ZBTB20: variants seen among roughly 807,000 people sequenced by gnomAD.
ZBTB20 encodes zinc finger and BTB domain containing 20, also known as zinc finger and BTB domain-containing protein 20.
ZBTB20 carries 9 observed loss-of-function variants against 56.9 expected under a neutral mutation model. The ratio of observed to expected loss-of-function variants is 0.16; its 90% CI spans 0.10 to 0.28. The LOEUF is 0.28. Among genes scored for constraint, ZBTB20 ranks in the 10% least tolerant of loss-of-function variants. The pLI is 1.00. For synonymous variants in ZBTB20, 417 were observed against 420.7 expected, an observed-to-expected ratio of 0.99 and a Z score of 0.11; for missense variants, 655 against 1,003.0, an observed-to-expected ratio of 0.65 and a Z score of 4.69.
At chr3:114,519,889 T>G (rs891754935) in intron 6 of ZBTB20, 10 of 152,058 alleles carry the variant, frequency 6.6e-5, no homozygotes, top group Non-Finnish European at 1.3e-4. Context: ...TCAGGAAAAT[T>G]TCAAGTATTG....
chr3:114,863,606 C>T (rs576837426), intron 4 of ZBTB20, among the ~76,000 whole-genome samples: 4 of 152,218 alleles, frequency 2.6e-5, no homozygotes, highest in South Asian at 2.1e-4. Context: ...ATAACATGGC[C>T]TACCTCTGTC....
At chr3:114,794,670 TTTC>T (rs2071215277) in intron 5 of ZBTB20, among the ~76,000 whole-genome samples, 1 of 152,116 alleles carries the variant, frequency 6.6e-6, no homozygotes, top group Non-Finnish European at 1.5e-5. Flanking sequence ...CTCTACTCTA[TTTC>T]TTCTTTAATT....
intron 11 of ZBTB20, among the ~76,000 whole-genome samples, chr3:114,349,237 A>C (rs988462169): frequency 6.6e-6 from 1 of 151,828 alleles, no homozygotes; most frequent in African/African-American, 2.4e-5. Flanking sequence ...AAATATAATG[A>C]TCATCACTGT....
At chr3:114,806,494 A>C (rs1180863720) in intron 4 of ZBTB20, among the ~76,000 whole-genome samples, 1 of 151,962 alleles carries the variant, frequency 6.6e-6, no homozygotes, top group Non-Finnish European at 1.5e-5. Context: ...AAAAATTCTT[A>C]TCAGATTATG....
Position 114,938,837 on chromosome 3 carries a change from A to G in ZBTB20, c.-456+35529T>C, listed in dbSNP as rs1199011968. On this transcript the variant is annotated intron_variant, in intron 3 of 11. Coordinates refer to ENST00000675478, the MANE Select transcript of ZBTB20 (RefSeq NM_001348800.3). ...AAAAGTATAATAAAAAAAAAATTCTAGAAAAAGAAGTTGCATCTGTACTGA... is the reference window on the plus strand; with the variant it reads ...AAAAGTATAATAAAAAAAAAATTCTGGAAAAAGAAGTTGCATCTGTACTGA... 4.1e-5 allele frequency among the ~76,000 whole-genome samples: 6 copies of G among 146,140 alleles called. 1 individual carries two copies. The highest frequency in any genetic ancestry group is 1.4e-4 in the African/African-American group (5 of 35,764).
rs149934373 is a variant in ZBTB20 at position 114,320,867 on chromosome 3, A to AG, written c.*18137dup. The AG allele has an allele frequency of 0.011, 1,652 of 152,302 alleles. 28 individuals are homozygous for AG. Among genetic ancestry groups the AG allele is most frequent in the African/African-American group, 0.038 (1,583 of 41,554 alleles). 9.4% of individuals were successfully genotyped at this position (152,302 alleles called of 1,614,324 possible). ...ATCAGGGCAACAGATTAAAATGAAA[A>AG]GGGGTATAGAAAGATATATTTTAGA... On this transcript the variant is annotated 3_prime_UTR_variant, in exon 12 of 12. Coordinates refer to ENST00000675478, the MANE Select transcript of ZBTB20 (RefSeq NM_001348800.3).
At chr3:114,552,218 A>G (rs2050675083) in intron 6 of ZBTB20, among the ~76,000 whole-genome samples, 2 of 152,200 alleles carry the variant, frequency 1.3e-5, no homozygotes. Flanking sequence ...TCTCTAAACA[A>G]AACAAAACAA....
chr3:114,810,255 C>T (rs1340396872), intron 4 of ZBTB20, among the ~76,000 whole-genome samples: 2 of 152,134 alleles, frequency 1.3e-5, no homozygotes, highest in African/African-American at 2.4e-5. Flanking sequence ...TGGTAGCTTA[C>T]CAAAGTTCAC....
At chr3:114,539,487 G>A (rs2718416) in intron 6 of ZBTB20, among the ~76,000 whole-genome samples, 16,262 of 152,052 alleles carry the variant, frequency 0.11, 2,331 homozygotes, top group African/African-American at 0.33. Flanking sequence ...GCAATGTGGT[G>A]TTATACCCAT....
At chr3:114,458,962 C>T (rs1436252904) in intron 7 of ZBTB20, among the ~76,000 whole-genome samples, 1 of 151,978 alleles carries the variant, frequency 6.6e-6, no homozygotes, top group Non-Finnish European at 1.5e-5. Context: ...GTAAATGCAC[C>T]CATGGTAGAC....
intron 5 of ZBTB20, among the ~76,000 whole-genome samples, chr3:114,776,653 A>C (rs1242181463): frequency 6.6e-6 from 1 of 152,244 alleles, no homozygotes; most frequent in Non-Finnish European, 1.5e-5. Flanking sequence ...TATAGCAGCC[A>C]CAGGAAACTA....
chr3:114,332,332 A>G lies in ZBTB20; in HGVS notation c.*6673T>C, dbSNP rs1244043821. 1 of 152,166 alleles carries G rather than the reference A, an allele frequency of 6.6e-6. No homozygotes were observed. The highest frequency in any genetic ancestry group is 1.5e-5 in the Non-Finnish European group (1 of 68,026). 9.4% of individuals were successfully genotyped at this position (152,166 alleles called of 1,614,324 possible). On this transcript the variant is annotated 3_prime_UTR_variant, in exon 12 of 12. Transcript: ENST00000675478. ...GATGTTCTCTAAAACTGAGGAAAAA[A>G]AGTTTAGAGATATACACTGTATAGA...
chr3:115,006,101 T>C (rs1244907876), intron 2 of ZBTB20, among the ~76,000 whole-genome samples: 1 of 151,732 alleles, frequency 6.6e-6, no homozygotes, highest in Non-Finnish European at 1.5e-5. Flanking sequence ...TTGCCCTGGA[T>C]TTCTGCATCA....
At chr3:115,042,113 T>C (rs2081168608) in intron 2 of ZBTB20, among the ~76,000 whole-genome samples, 1 of 151,886 alleles carries the variant, frequency 6.6e-6, no homozygotes, top group Non-Finnish European at 1.5e-5. Context: ...CATGCCATTT[T>C]AGCATTATGA....
intron 5 of ZBTB20, among the ~76,000 whole-genome samples, chr3:114,785,812 C>A (rs990350137): frequency 6.6e-6 from 1 of 152,026 alleles, no homozygotes; most frequent in Non-Finnish European, 1.5e-5. Flanking sequence ...TTACTCTCTG[C>A]GTAAATTTAA....
chr3:115,112,756 A>T (rs1168195940), intron 1 of ZBTB20, among the ~76,000 whole-genome samples: 1 of 152,200 alleles, frequency 6.6e-6, no homozygotes, highest in Non-Finnish European at 1.5e-5. Flanking sequence ...TAGTGCTGCA[A>T]TAAACATGGG....
At chr3:114,796,339 G>A (rs1578907004) in intron 5 of ZBTB20, among the ~76,000 whole-genome samples, 1 of 151,962 alleles carries the variant, frequency 6.6e-6, no homozygotes, top group African/African-American at 2.4e-5. Flanking sequence ...CTCGGCCTGA[G>A]TTTATAGTAC....
At chr3:114,792,333 T>A (rs2071020971) in intron 5 of ZBTB20, among the ~76,000 whole-genome samples, 2 of 151,986 alleles carry the variant, frequency 1.3e-5, no homozygotes, top group East Asian at 3.9e-4. Flanking sequence ...TTGCAAAGAG[T>A]AAGGTGGTGC....
rs191086955 is a variant in ZBTB20 at position 115,074,847 on chromosome 3, T to G, written c.-702-3433A>C. Among the ~76,000 whole-genome samples the G allele has an allele frequency of 6.9e-3, 1,053 of 152,164 alleles. 16 individuals carry two copies. Among genetic ancestry groups the G allele is most frequent in the Non-Finnish European group, 6.1e-3 (418 of 67,978 alleles). On this transcript the variant is annotated intron_variant, in intron 1 of 11. Coordinates refer to ENST00000675478, the MANE Select transcript of ZBTB20 (RefSeq NM_001348800.3). ...GATAGGAACCTTTCTGACTGCAAAG[T>G]CCCCAGAAGTTTTAATTTTTACTCA...
Sources: gnomAD v4.1 joint callset for allele counts (sites outside exome capture counted in the v4.1 genomes callset) on GRCh38, gnomAD v4.1.1 for gene constraint, MANE v1.5 for transcripts, NCBI Gene and HGNC (gene_info 2026-07-23, HGNC 2026-07-21) for gene names.